ATRNL1: variants seen among roughly 807,000 people sequenced by gnomAD.
ATRNL1 encodes attractin like 1, also known as attractin-like protein 1.
In ATRNL1, 95 loss-of-function variants were observed where a neutral mutation model predicts 182.7. The observed-to-expected ratio is 0.52, with a 90% CI of 0.44 to 0.62. The LOEUF (loss-of-function observed/expected upper bound fraction) is 0.62, where lower values mean the gene tolerates loss of function less well. ATRNL1 is among the 20% of genes least tolerant of loss of function. The pLI is 0.00. For missense variants in ATRNL1, 1,471 were observed against 1,679.5 expected, an observed-to-expected ratio of 0.88 and a Z score of 2.17; for synonymous variants, 576 against 568.3, an observed-to-expected ratio of 1.01 and a Z score of -0.19.
chr10:115,216,505 C>T (rs1811182724), intron 9 of ATRNL1, among the ~76,000 whole-genome samples: 1 of 152,110 alleles, frequency 6.6e-6, no homozygotes, highest in Admixed American at 6.6e-5. Context: ...TTGTAAACAT[C>T]TTCTTATGTG....
At chr10:115,856,591 G>C (rs1489960036) in intron 28 of ATRNL1, among the ~76,000 whole-genome samples, 3 of 152,062 alleles carry the variant, frequency 2.0e-5, no homozygotes, top group African/African-American at 7.2e-5. Flanking sequence ...AGACCTGGGG[G>C]TCAGTGGCAG....
intron 28 of ATRNL1, among the ~76,000 whole-genome samples, chr10:115,932,157 G>A (rs1330078545): frequency 6.6e-6 from 1 of 152,132 alleles, no homozygotes; most frequent in Non-Finnish European, 1.5e-5. Flanking sequence ...AGCATTTATG[G>A]GATATACTCA....
intron 28 of ATRNL1, among the ~76,000 whole-genome samples, chr10:115,926,253 A>T (rs1388495924): frequency 6.6e-6 from 1 of 152,182 alleles, no homozygotes; most frequent in Non-Finnish European, 1.5e-5. Flanking sequence ...AGACACAGCT[A>T]AAGTGGTGTT....
chr10:115,511,340 A>C (rs1228942877), intron 24 of ATRNL1, among the ~76,000 whole-genome samples: 3 of 151,966 alleles, frequency 2.0e-5, no homozygotes, highest in Non-Finnish European at 4.4e-5. Flanking sequence ...ATAAGATCTC[A>C]AGTTGTTTGC....
intron 18 of ATRNL1, among the ~76,000 whole-genome samples, chr10:115,321,744 G>A (rs1341233681): frequency 7.0e-6 from 1 of 143,550 alleles, no homozygotes; most frequent in Non-Finnish European, 1.5e-5. Context: ...GTTTAACATA[G>A]TACTGAAAGT....
chr10:115,196,841 G>A (rs929416291), intron 8 of ATRNL1, among the ~76,000 whole-genome samples: 1 of 152,072 alleles, frequency 6.6e-6, no homozygotes, highest in Non-Finnish European at 1.5e-5. Flanking sequence ...CTCATGTGGT[G>A]TGGTAATAAA....
intron 7 of ATRNL1, among the ~76,000 whole-genome samples, chr10:115,168,951 T>G (rs1554884909): frequency 6.6e-6 from 1 of 151,670 alleles, no homozygotes; most frequent in East Asian, 1.9e-4. Flanking sequence ...TTTTGATTCT[T>G]GCATTTAGTT....
In ATRNL1 at chr10:115,408,648, C is replaced by G. The variant is rs185371963; in HGVS notation, c.3269+13896C>G. On this transcript the variant is annotated intron_variant, in intron 20 of 28. Transcript: ENST00000355044. ...TTATTCATAAAATCTTTTCCCAGAT[C>G]CATGTCCTGAAGCATTCCCCTGGCG... Among the ~76,000 whole-genome samples, 29 of 152,166 alleles carry G rather than the reference C, an allele frequency of 1.9e-4. No homozygotes were observed. The East Asian group carries it at 5.6e-3, about 29-fold the overall frequency.
At chr10:115,624,814 A>G (rs988062814) in intron 26 of ATRNL1, among the ~76,000 whole-genome samples, 8 of 152,146 alleles carry the variant, frequency 5.3e-5, no homozygotes, top group Admixed American at 3.9e-4. Flanking sequence ...GGTGATAAGG[A>G]GATTATCTTT....
At chr10:115,467,541 C>T (rs532525224) in intron 23 of ATRNL1, among the ~76,000 whole-genome samples, 1 of 150,686 alleles carries the variant, frequency 6.6e-6, no homozygotes, top group East Asian at 1.9e-4. Context: ...TAAATTGCTT[C>T]TTTAATGACT....
chr10:115,279,584 C>A (rs1407122998), intron 13 of ATRNL1, among the ~76,000 whole-genome samples: 4 of 152,162 alleles, frequency 2.6e-5, no homozygotes, highest in Non-Finnish European at 5.9e-5. Context: ...TGATGGGCAA[C>A]TGTAGCCAAT....
chr10:115,504,191 GAA>G (rs2133644925), intron 24 of ATRNL1, among the ~76,000 whole-genome samples: 1 of 151,992 alleles, frequency 6.6e-6, no homozygotes, highest in Admixed American at 6.6e-5. Flanking sequence ...GATTGTGTAT[GAA>G]AACTGAAATA....
chr10:115,898,212 A>G (rs529083032), intron 28 of ATRNL1, among the ~76,000 whole-genome samples: 38 of 152,332 alleles, frequency 2.5e-4, no homozygotes, highest in South Asian at 1.0e-3. Context: ...GGCATGAGCC[A>G]CTATGCCCGG....
At chr10:115,718,339 G>A (rs1167926983) in intron 26 of ATRNL1, among the ~76,000 whole-genome samples, 1 of 151,980 alleles carries the variant, frequency 6.6e-6, no homozygotes, top group Admixed American at 6.6e-5. Flanking sequence ...ATACTTTTAT[G>A]TATTTGTTTA....
chr10:115,505,527 C>G (rs1277443363), intron 24 of ATRNL1, among the ~76,000 whole-genome samples: 1 of 151,840 alleles, frequency 6.6e-6, no homozygotes, highest in Non-Finnish European at 1.5e-5. Flanking sequence ...AACAGAAGTT[C>G]CTCCCCAAAA....
intron 19 of ATRNL1, among the ~76,000 whole-genome samples, chr10:115,371,184 T>TG (rs1446520193): frequency 6.6e-6 from 1 of 152,140 alleles, no homozygotes; most frequent in East Asian, 1.9e-4. Flanking sequence ...ACTTCAGGGG[T>TG]GGGGCACTCA....
At chr10:115,518,046 A>G (rs1225529578) in intron 24 of ATRNL1, among the ~76,000 whole-genome samples, 1 of 151,950 alleles carries the variant, frequency 6.6e-6, no homozygotes, top group Non-Finnish European at 1.5e-5. Context: ...TTACATGTAC[A>G]TGCCAAAGAA....
At chr10:115,762,445 T>C (rs535788083) in intron 27 of ATRNL1, among the ~76,000 whole-genome samples, 1 of 152,246 alleles carries the variant, frequency 6.6e-6, no homozygotes, top group East Asian at 1.9e-4. Context: ...AGTTCAAAAT[T>C]AAGAATTCAT....
At chr10:115,182,290 GACAGA>G (rs575268192) in intron 8 of ATRNL1, among the ~76,000 whole-genome samples, 243 of 151,474 alleles carry the variant, frequency 1.6e-3, no homozygotes, top group African/African-American at 5.5e-3. Flanking sequence ...GATTAAAACT[GACAGA>G]ACAGATAATA....
Sources: gnomAD v4.1 joint callset for allele counts (sites outside exome capture counted in the v4.1 genomes callset) on GRCh38, gnomAD v4.1.1 for gene constraint, MANE v1.5 for transcripts, NCBI Gene and HGNC (gene_info 2026-07-23, HGNC 2026-07-21) for gene names.